METTL15: variants seen among roughly 807,000 people sequenced by gnomAD.
METTL15 encodes the protein 12S rRNA N(4)-cytidine methyltransferase METTL15.
Under a neutral mutation model 38.3 loss-of-function variants are expected in METTL15, and 34 were observed. The observed-to-expected ratio is 0.89, with a 90% CI of 0.68 to 1.18. METTL15 has a LOEUF of 1.18. Ranked by LOEUF, METTL15 falls within the 50% of genes most tolerant of loss-of-function variation. METTL15 has a pLI of 0.00. For synonymous variants in METTL15, 162 were observed against 170.9 expected, an observed-to-expected ratio of 0.95 and a Z score of 0.41; for missense variants, 438 against 498.4, an observed-to-expected ratio of 0.88 and a Z score of 1.15.
chr11:28,157,840 C>A (rs1850316452), intron 3 of METTL15, among the ~76,000 whole-genome samples: 1 of 152,170 alleles, frequency 6.6e-6, no homozygotes. Flanking sequence ...TACCTATGAT[C>A]AGTTGACAGC....
chr11:28,431,808 GAAA>G lies in METTL15; in HGVS notation c.*424+7457_*424+7459del, dbSNP rs1186274147. On this transcript the variant is annotated intron_variant and NMD_transcript_variant, in intron 6 of 7. Transcript: ENST00000532947. ...ATAAATTTAAAAAAAAAAAAAAAAA[GAAA>G]AAAAAAAAAAAAGAAGAGTAAACAG... Among the ~76,000 whole-genome samples, 320 of 87,038 alleles carry G rather than the reference GAAA, an allele frequency of 3.7e-3. 4 individuals carry two copies. The South Asian group carries it at 0.055, about 15-fold the overall frequency. The allele number at this position is 87,038 out of a possible 152,430, so 57.1% of individuals were successfully genotyped here.
At chr11:28,117,674 T>G (rs1852033820) in intron 3 of METTL15, among the ~76,000 whole-genome samples, 1 of 152,154 alleles carries the variant, frequency 6.6e-6, no homozygotes, top group Non-Finnish European at 1.5e-5. Context: ...AAGTTTAATG[T>G]TTCCAATGTT....
intron 5 of METTL15, among the ~76,000 whole-genome samples, chr11:28,409,649 T>A (rs1473508699): frequency 1.3e-5 from 2 of 151,954 alleles, no homozygotes; most frequent in Non-Finnish European, 2.9e-5. Context: ...GGGAAGTTTA[T>A]AGCAATACAC....
At chr11:28,515,439 T>C (rs542571381) in intron 6 of METTL15, among the ~76,000 whole-genome samples, 110 of 152,352 alleles carry the variant, frequency 7.2e-4, no homozygotes, top group African/African-American at 2.5e-3. Flanking sequence ...TTGATTTTTC[T>C]CCATGAGGGA....
chr11:28,156,526 T>G (rs1402082885), intron 3 of METTL15, among the ~76,000 whole-genome samples: 3 of 152,164 alleles, frequency 2.0e-5, no homozygotes, highest in Non-Finnish European at 4.4e-5. Context: ...TATTTGCCCA[T>G]AAACATTTAT....
At chr11:28,143,332 C>T (rs1021665528) in intron 3 of METTL15, among the ~76,000 whole-genome samples, 1 of 152,080 alleles carries the variant, frequency 6.6e-6, no homozygotes, top group African/African-American at 2.4e-5. Flanking sequence ...TATTTAAAAA[C>T]GAAGCAAGTT....
chr11:28,146,729 G>A (rs1265137289), intron 3 of METTL15, among the ~76,000 whole-genome samples: 1 of 151,770 alleles, frequency 6.6e-6, no homozygotes, highest in Admixed American at 6.6e-5. Flanking sequence ...ATAAGTAATA[G>A]CATATTGATT....
intron 6 of METTL15, among the ~76,000 whole-genome samples, chr11:28,432,202 C>A (rs1275601026): frequency 1.3e-5 from 2 of 152,086 alleles, no homozygotes; most frequent in Non-Finnish European, 2.9e-5. Context: ...TAGTTATTGA[C>A]GATGGAAAAG....
At chr11:28,428,434 A>G (rs182646754) in intron 6 of METTL15, among the ~76,000 whole-genome samples, 11 of 152,342 alleles carry the variant, frequency 7.2e-5, no homozygotes, top group Non-Finnish European at 1.0e-4. Context: ...ATGTGGTTAA[A>G]TGAGATAACT....
intron 3 of METTL15, among the ~76,000 whole-genome samples, chr11:28,127,348 G>A (rs1387058639): frequency 1.3e-5 from 2 of 151,966 alleles, no homozygotes; most frequent in African/African-American, 2.4e-5. Flanking sequence ...CTGCTAGAAC[G>A]ACTAGGTTGC....
intron 6 of METTL15, among the ~76,000 whole-genome samples, chr11:28,475,187 C>T (rs913691037): frequency 2.6e-5 from 4 of 152,018 alleles, no homozygotes; most frequent in African/African-American, 7.3e-5. Context: ...GGCTAGAGGC[C>T]CTATTAGGGA....
chr11:28,355,508 G>C (rs137937072), intron 4 of METTL15, among the ~76,000 whole-genome samples: 1 of 152,184 alleles, frequency 6.6e-6, no homozygotes, highest in East Asian at 1.9e-4. Flanking sequence ...TTGGCCGTGC[G>C]TATCCATGAA....
chr11:28,124,219 G>C (rs1048585889), intron 3 of METTL15, among the ~76,000 whole-genome samples: 2 of 152,030 alleles, frequency 1.3e-5, no homozygotes, highest in African/African-American at 4.8e-5. Context: ...GTGTTCTTAT[G>C]TTCTAGAGGA....
intron 5 of METTL15, among the ~76,000 whole-genome samples, chr11:28,290,963 A>G (rs545935081): frequency 1.3e-5 from 2 of 152,200 alleles, no homozygotes; most frequent in African/African-American, 4.8e-5. Context: ...TCTTCCTGGA[A>G]ATACTAGCAT....
Position 28,330,868 on chromosome 11 carries a change from T to C in METTL15, c.*27T>C, listed in dbSNP as rs1849797506. On this transcript the variant is annotated 3_prime_UTR_variant, in exon 7 of 7. Coordinates refer to ENST00000407364, the MANE Select transcript of METTL15 (RefSeq NM_001113528.2). The stretch of plus-strand genomic sequence containing the variant: ...TTATCATCATCTTATTCTTCAAATT[T>C]TTTTCTCACAATTTCTCTAATCTTT... 6.7e-7 allele frequency: 1 copy of C among 1,496,236 alleles called. No homozygotes were observed. The highest frequency in any genetic ancestry group is 8.9e-7 in the Non-Finnish European group (1 of 1,120,276). 92.7% of individuals were successfully genotyped at this position (1,496,236 alleles called of 1,614,324 possible).
intron 6 of METTL15, among the ~76,000 whole-genome samples, chr11:28,312,310 C>T (rs940395155): frequency 1.3e-5 from 2 of 152,112 alleles, no homozygotes; most frequent in Non-Finnish European, 2.9e-5. Context: ...ATATATATAA[C>T]AATGATATTG....
downstream of METTL15, among the ~76,000 whole-genome samples, chr11:28,528,308 C>T (rs1270514411): frequency 1.3e-5 from 2 of 152,184 alleles, no homozygotes; most frequent in Non-Finnish European, 2.9e-5. Context: ...CCAATAGGCA[C>T]CACTCAGCAA....
downstream of METTL15, among the ~76,000 whole-genome samples, chr11:28,528,159 A>C (rs1433969791): frequency 6.6e-6 from 1 of 152,200 alleles, no homozygotes; most frequent in African/African-American, 2.4e-5. Flanking sequence ...TTCTTTCTGC[A>C]TCTTTTCTCA....
At chr11:28,190,421 G>C (rs1171804480) in intron 3 of METTL15, among the ~76,000 whole-genome samples, 2 of 151,154 alleles carry the variant, frequency 1.3e-5, no homozygotes, top group Non-Finnish European at 3.0e-5. Flanking sequence ...AGTTAAATGA[G>C]TTATTTCAAG....
Sources: gnomAD v4.1 joint callset for allele counts (sites outside exome capture counted in the v4.1 genomes callset) on GRCh38, gnomAD v4.1.1 for gene constraint, MANE v1.5 for transcripts, NCBI Gene and HGNC (gene_info 2026-07-23, HGNC 2026-07-21) for gene names.